Variants in GALNT2 observed in about 807,000 individuals in gnomAD.
GALNT2 encodes polypeptide N-acetylgalactosaminyltransferase 2.
Under a neutral mutation model 81.4 loss-of-function variants are expected in GALNT2, and 31 were observed. The observed-to-expected ratio is 0.38, with a 90% CI of 0.29 to 0.51. GALNT2 has a LOEUF of 0.51. Ranked by LOEUF, GALNT2 falls within the 20% of genes least tolerant of loss-of-function variation. The pLI, the probability that GALNT2 is intolerant of heterozygous loss-of-function variation, is 0.87. For missense variants in GALNT2, 629 were observed against 765.7 expected (o/e 0.82, Z 2.11); for synonymous variants, 303 against 287.4 (o/e 1.05, Z -0.55).
chr1:230,145,214 C>T (rs1661877903), intron 1 of GALNT2, among the ~76,000 whole-genome samples: 1 of 151,630 alleles, frequency 6.6e-6, no homozygotes, highest in South Asian at 2.1e-4. Flanking sequence ...AGATCGCCCC[C>T]TGTGTTGCTT....
chr1:230,269,167 A>G (rs899525716), intron 14 of GALNT2, among the ~76,000 whole-genome samples: 22 of 102,730 alleles, frequency 2.1e-4, no homozygotes, highest in African/African-American at 3.2e-4. Context: ...TTTGAGACGG[A>G]GTTTGGCTGT....
At chr1:230,240,672 T>G (rs1665174268) in intron 6 of GALNT2, among the ~76,000 whole-genome samples, 1 of 152,106 alleles carries the variant, frequency 6.6e-6, no homozygotes. Flanking sequence ...TGTTTTTTTT[T>G]TTTAACAATT....
rs144000632 is a variant in GALNT2, at chr1:230,097,786, C to T, written c.126+30380C>T. On this transcript the variant is annotated intron_variant, in intron 1 of 15. Coordinates refer to ENST00000366672, the MANE Select transcript of GALNT2 (RefSeq NM_004481.5). Reference sequence around the variant, plus strand: ...GATATCTCAGGAAAATTTTAAATACCGTTTAATAGTGGAGAATTATGGTAA... The same window carrying T: ...GATATCTCAGGAAAATTTTAAATACTGTTTAATAGTGGAGAATTATGGTAA... 3.0e-3 allele frequency among the ~76,000 whole-genome samples: 461 copies of T among 152,106 alleles called. 2 individuals are homozygous for T. The highest frequency in any genetic ancestry group is 0.011 in the African/African-American group (448 of 41,480).
intron 1 of GALNT2, among the ~76,000 whole-genome samples, chr1:230,162,753 G>A (rs1662474494): frequency 6.6e-6 from 1 of 152,154 alleles, no homozygotes; most frequent in African/African-American, 2.4e-5. Context: ...AGAGGGTCTT[G>A]CCCCAACCCA....
chr1:230,186,763 G>A (rs1439625502), intron 2 of GALNT2, among the ~76,000 whole-genome samples: 1 of 152,190 alleles, frequency 6.6e-6, no homozygotes, highest in African/African-American at 2.4e-5. Context: ...TCTTCAAAGA[G>A]ATCAGAATGT....
intron 1 of GALNT2, among the ~76,000 whole-genome samples, chr1:230,148,789 A>G (rs1033655539): frequency 1.3e-5 from 2 of 151,706 alleles, no homozygotes; most frequent in East Asian, 1.9e-4. Flanking sequence ...GTTTCGCTCT[A>G]TTGCCCAGGC....
intron 1 of GALNT2, among the ~76,000 whole-genome samples, chr1:230,091,433 T>G (rs1241191245): frequency 6.6e-6 from 1 of 152,182 alleles, no homozygotes; most frequent in Non-Finnish European, 1.5e-5. Context: ...ACCTTTTCTA[T>G]TGGCCTATTT....
intron 3 of GALNT2, among the ~76,000 whole-genome samples, chr1:230,208,609 C>A (rs1426064683): frequency 6.6e-6 from 1 of 152,234 alleles, no homozygotes; most frequent in Non-Finnish European, 1.5e-5. Flanking sequence ...AGAAGAGGCC[C>A]AAGGCCTGAG....
At chr1:230,246,280 A>G in intron 8 of GALNT2, 130 bp downstream of exon 8, 2 of 723,636 alleles carry the variant, frequency 2.8e-6, no homozygotes, top group South Asian at 1.7e-5. Context: ...CTGAGTAAAA[A>G]CCACCTGTGT....
At chr1:230,187,381 C>T (rs1282102303) in intron 2 of GALNT2, among the ~76,000 whole-genome samples, 1 of 152,250 alleles carries the variant, frequency 6.6e-6, no homozygotes, top group East Asian at 1.9e-4. Flanking sequence ...AGGACTCAGC[C>T]CACAGCTCTC....
chr1:230,083,903 G>T (rs1011691423), intron 1 of GALNT2, among the ~76,000 whole-genome samples: 1 of 152,138 alleles, frequency 6.6e-6, no homozygotes, highest in Non-Finnish European at 1.5e-5. Flanking sequence ...GGACCTGCAT[G>T]CAAGCTGAAG....
At chr1:230,071,100 A>G (rs1407766210) in intron 1 of GALNT2, among the ~76,000 whole-genome samples, 1 of 152,220 alleles carries the variant, frequency 6.6e-6, no homozygotes, top group African/African-American at 2.4e-5. Context: ...AGGAAAATGA[A>G]AAAATAAAAG....
Position 230,276,020 on chromosome 1 carries a change from ATGCC to A in GALNT2, c.1560+1457_1560+1460del, listed in dbSNP as rs1558174611. ...GCCACATATATATACGTATATATAC[ATGCC>A]ACATATATATACGTATATACATGCC... is the stretch of plus-strand genomic sequence containing the variant. On this transcript the variant is annotated intron_variant, in intron 15 of 15. Transcript: ENST00000366672. 2.2e-3 allele frequency among the ~76,000 whole-genome samples: 151 copies of A among 68,220 alleles called. 3 individuals carry two copies. Among genetic ancestry groups the A allele is most frequent in the African/African-American group, 5.2e-3 (56 of 10,800 alleles). 44.8% of individuals were successfully genotyped at this position (68,220 alleles called of 152,430 possible).
intron 1 of GALNT2, among the ~76,000 whole-genome samples, chr1:230,155,268 C>A (rs1662213201): frequency 6.6e-6 from 1 of 152,208 alleles, no homozygotes; most frequent in Admixed American, 6.5e-5. Context: ...CTTGTGCTGG[C>A]TCCTGCCCGC....
rs534265511 is a variant in GALNT2 at position 230,257,911 on chromosome 1, T to A, written c.1136+2567T>A. Among the ~76,000 whole-genome samples the A allele has an allele frequency of 6.6e-6, 1 of 152,264 alleles. No homozygotes were observed. Among genetic ancestry groups the A allele is most frequent in the East Asian group, 1.9e-4 (1 of 5,180 alleles). ...TGTGGGTGTGGGGATTGCTAGCTTA[T>A]CTTTTGTCTAGTTTTTTTCTTGAGA... is the stretch of plus-strand genomic sequence containing the variant. On this transcript the variant is annotated intron_variant, in intron 11 of 15. Transcript: ENST00000366672. This position sits in a 1 kb window ranked among gnomAD's most constrained non-coding sequence, Gnocchi z 4.6.
intron 9 of GALNT2, among the ~76,000 whole-genome samples, chr1:230,249,931 C>CAGT (rs1665491373): frequency 6.6e-6 from 1 of 152,224 alleles, no homozygotes. Flanking sequence ...GTAGGGAGCT[C>CAGT]AGTGTACATC....
chr1:230,203,083 T>C (rs748178973), intron 2 of GALNT2, 54 bp from the exon 3 acceptor site: 52 of 1,564,764 alleles, frequency 3.3e-5, no homozygotes, highest in Non-Finnish European at 4.3e-5. Context: ...GTCTCTGTGA[T>C]GAGCACTTGG....
intron 1 of GALNT2, among the ~76,000 whole-genome samples, chr1:230,116,788 A>G (rs533296723): frequency 6.9e-4 from 105 of 152,314 alleles, no homozygotes; most frequent in South Asian, 1.5e-3. Context: ...GCTGTCATCC[A>G]TGTTCTGTTG....
intron 1 of GALNT2, among the ~76,000 whole-genome samples, chr1:230,174,057 G>A (rs1416111012): frequency 6.6e-6 from 1 of 152,212 alleles, no homozygotes; most frequent in Non-Finnish European, 1.5e-5. Context: ...GAAGCAGGTA[G>A]CAAATGTAAA....
Sources: allele counts gnomAD v4.1 joint callset (sites outside exome capture counted in the v4.1 genomes callset), GRCh38; gene constraint gnomAD v4.1.1; non-coding constraint Gnocchi (gnomAD v3.1); transcripts MANE v1.5; gene names NCBI Gene and HGNC (gene_info 2026-07-23, HGNC 2026-07-21).